SCARF2: variants seen among roughly 807,000 people sequenced by gnomAD.
SCARF2 encodes the protein scavenger receptor expressed by endothelial cells 2 protein.
SCARF2 carries 39 observed loss-of-function variants against 73.4 expected under a neutral mutation model. That is an observed-to-expected ratio of 0.53 (90% confidence interval 0.41 to 0.69). The LOEUF is 0.69. SCARF2 is among the 30% of genes least tolerant of loss of function. The pLI is 0.00. For synonymous variants in SCARF2, 605 were observed against 590.0 expected, an observed-to-expected ratio of 1.03 and a Z score of -0.37; for missense variants, 1,148 against 1,303.5, an observed-to-expected ratio of 0.88 and a Z score of 1.84.
At position 20,425,569 on chromosome 22, in the gene SCARF2, C is replaced by T; in HGVS notation, c.2407G>A (p.Ala803Thr). 3 of 1,342,926 alleles carry T rather than the reference C, an allele frequency of 2.2e-6. No individual in the cohort carries two copies. Among genetic ancestry groups the T allele is most frequent in the African/African-American group, 1.5e-5 (1 of 65,306 alleles). The allele number at this position is 1,342,926 out of a possible 1,614,324, so 83.2% of individuals were successfully genotyped here. ...PREKPAPPQK[A>T]KRSVPPASPA... The stretch of plus-strand genomic sequence containing the variant: ...GAGGCTGGCGGCACGGAGCGCTTGG[C>T]TTTCTGTGGGGGCGCCGGCTTTTCC... Residue 803 changes from alanine to threonine, a missense_variant, in exon 11 of 11, where the codon GCC becomes ACC. This residue lies in a region of SCARF2 where 169 missense variants were observed against 136.9 expected (regional missense o/e 1.23). Transcript: ENST00000622235. This position sits in a 1 kb window ranked among gnomAD's most constrained non-coding sequence, Gnocchi z 4.6.
In SCARF2 at chr22:20,437,608, G is replaced by A. The variant is rs754188065; in HGVS notation, c.147C>T (p.Arg49=). 11 of 1,572,500 alleles carry A rather than the reference G, an allele frequency of 7.0e-6. No individual in the cohort carries two copies. The East Asian group carries it at 2.3e-4, about 33-fold the overall frequency. ...CGGGAGCACGGCACACGTTGCGGCCGCGAGGGTTCAGTTCCTGAGGCGCCA... is the reference window on the plus strand; with the variant it reads ...CGGGAGCACGGCACACGTTGCGGCCACGAGGGTTCAGTTCCTGAGGCGCCA... ...DTVAPQELNP[R]GRNVCRAPGS... Residue 49 remains arginine, a synonymous_variant, in exon 1 of 11, where the codon CGC becomes CGT. Transcript: ENST00000622235.
chr22:20,425,971 G>C lies in SCARF2; in HGVS notation c.2005C>G (p.His669Asp). The change falls in exon 11 of 11, where the codon CAC becomes GAC. Residue 669 changes from histidine to aspartate, a missense_variant. This residue lies in a region of SCARF2 where 437 missense variants were observed against 433.6 expected (regional missense o/e 1.01). Transcript: ENST00000622235. The surrounding 1 kb of genome is among the most constrained non-coding windows in gnomAD (Gnocchi z 4.6). ...GCTGCAGCGGCGCTGTGCTTGCCGT[G>C]GATCCAGGACACCTTAGGCTTGGTG... ...PATKPKVSWIHGKHSAAAAGR... is the reference protein window; with the variant it reads ...PATKPKVSWIDGKHSAAAAGR... The C allele has an allele frequency of 6.3e-7, 1 of 1,594,288 alleles. No homozygotes were observed.
At position 20,429,811 on chromosome 22, in the gene SCARF2, C is replaced by T. The variant is rs1228018827; in HGVS notation, c.1225G>A (p.Gly409Arg). 3 of 1,613,020 alleles carry T rather than the reference C, an allele frequency of 1.9e-6. No homozygotes were observed. The South Asian group carries it at 3.3e-5, about 18-fold the overall frequency. ...GPHCNVTCPP[G>R]LHGADCAQAC... is the part of the protein sequence containing the mutation. ...TGAGCACAGTCCGCGCCGTGGAGTC[C>T]GGGCGGGCACGTCACGTTACAGCTG... The change falls in exon 7 of 11, where the codon GGA (glycine) becomes AGA (arginine). Residue 409 changes from glycine to arginine, a missense_variant. Gly to Arg is a moderately radical substitution (Grantham distance 125, BLOSUM62 -2). This residue lies in a region of SCARF2 where 372 missense variants were observed against 532.0 expected (regional missense o/e 0.70). Coordinates refer to ENST00000622235, the MANE Select transcript of SCARF2 (RefSeq NM_182895.5). This position sits in a 1 kb window ranked among gnomAD's most constrained non-coding sequence, Gnocchi z 5.2.
chr22:20,437,223 C>T (rs1369221698), intron 1 of SCARF2, among the ~76,000 whole-genome samples: 1 of 152,252 alleles, frequency 6.6e-6, no homozygotes, highest in Non-Finnish European at 1.5e-5. Context: ...GGCTTTAGCA[C>T]ATGCAGTTCC....
Position 20,426,217 on chromosome 22 carries a change from G to A in SCARF2, c.1759C>T (p.Pro587Ser). ...GAGGCTGGCGTGGTCAAGGGCACAG[G>A]GGACGGCGCCGGCGCCTCGGCAGGG... Reference protein sequence around the residue: ...TVPAEAPAPSPVPLTTPASAE... With the variant: ...TVPAEAPAPSSVPLTTPASAE... The change falls in exon 11 of 11, where the codon CCT (proline) becomes TCT (serine). Residue 587 changes from proline to serine, a missense_variant. Physicochemically the swap from Pro to Ser is moderately conservative, Grantham distance 74. This residue lies in a region of SCARF2 where 437 missense variants were observed against 433.6 expected (regional missense o/e 1.01). Transcript: ENST00000622235. 1 of 1,532,834 alleles carries A rather than the reference G, an allele frequency of 6.5e-7. No homozygotes were observed. The highest frequency in any genetic ancestry group is 1.4e-5 in the African/African-American group (1 of 73,302). 95.0% of individuals were successfully genotyped at this position (1,532,834 alleles called of 1,614,324 possible). A position where few individuals can be genotyped will look rare whatever the true frequency, so the allele number is the denominator to read the frequency against.
chr22:20,431,300 G>T lies in SCARF2; in HGVS notation c.572C>A (p.Ser191Ter). The T allele has an allele frequency of 6.6e-7, 1 of 1,522,516 alleles. No homozygotes were observed. The highest frequency in any genetic ancestry group is 8.8e-7 in the Non-Finnish European group (1 of 1,142,304). The allele number at this position is 1,522,516 out of a possible 1,614,324, so 94.3% of individuals were successfully genotyped here. ...GGCGCCGGTCTGTGGGTCGCAGCGCGACGTGGCGCTGCAGTAGCACGCGCT... is the reference window on the plus strand; with the variant it reads ...GGCGCCGGTCTGTGGGTCGCAGCGCTACGTGGCGCTGCAGTAGCACGCGCT... ...CASACYCSAT[S>*]RCDPQTGACL... Residue 191 changes from serine to a stop codon, truncating the protein, a stop_gained, in exon 4 of 11, where the codon TCG becomes TAG. Transcript: ENST00000622235. LOFTEE classifies it high-confidence loss of function.
chr22:20,433,674 T>C (rs1445883286), intron 1 of SCARF2, among the ~76,000 whole-genome samples: 1 of 152,244 alleles, frequency 6.6e-6, no homozygotes, highest in South Asian at 2.1e-4. Context: ...TTTGGGGAAT[T>C]GGTCCAGTGT....
chr22:20,430,704 G>T lies in SCARF2; in HGVS notation c.1059C>A (p.Gly353=). The T allele has an allele frequency of 6.2e-7, 1 of 1,602,034 alleles. No individual in the cohort carries two copies. The highest frequency in any genetic ancestry group is 8.5e-7 in the Non-Finnish European group (1 of 1,174,986). ...VTGKCTRCNA[G]WIGDRCETKC... Reference sequence around the variant, plus strand: ...GGGCTGCTCACCGGTCGCCGATCCAGCCCGCGTTGCAGCGCGTACACTTGC... The same window carrying T: ...GGGCTGCTCACCGGTCGCCGATCCATCCCGCGTTGCAGCGCGTACACTTGC... Residue 353 remains glycine (G), a synonymous_variant, in exon 5 of 11, where the codon GGC becomes GGA. Coordinates refer to ENST00000622235, the MANE Select transcript of SCARF2 (RefSeq NM_182895.5).
chr22:20,429,990 C>T lies in SCARF2; in HGVS notation c.1203-157G>A, dbSNP rs1033154989. ...CTAGGGATTGAAGCCCCGCCCCGCC[C>T]GTGGCACATATTGGGTAGTGGATGT... On this transcript the variant is annotated intron_variant, in intron 6 of 10. Coordinates refer to ENST00000622235, the MANE Select transcript of SCARF2 (RefSeq NM_182895.5). The surrounding 1 kb of genome is among the most constrained non-coding windows in gnomAD (Gnocchi z 5.2). 5.6e-6 allele frequency: 4 copies of T among 720,078 alleles called. No homozygotes were observed. The highest frequency in any genetic ancestry group is 9.3e-6 in the Non-Finnish European group (4 of 432,208). The allele number at this position is 720,078 out of a possible 1,614,324, so 44.6% of individuals were successfully genotyped here.
chr22:20,437,574 G>C lies in SCARF2; in HGVS notation c.173+8C>G, dbSNP rs768423386. 113 of 1,571,668 alleles carry C rather than the reference G, an allele frequency of 7.2e-5. No individual in the cohort carries two copies. The highest frequency in any genetic ancestry group is 7.8e-5 in the Non-Finnish European group (91 of 1,166,662). ...CTCGCCCCCTCCCCCAGCCAGGCCG[G>C]CTCCTACCCGGGAGCACGGCACACG... On this transcript the variant is annotated splice_region_variant and intron_variant, in intron 1 of 10. Transcript: ENST00000622235.
Position 20,425,318 on chromosome 22 carries a change from G to C in SCARF2, c.*57C>G. On this transcript the variant is annotated 3_prime_UTR_variant, in exon 11 of 11. Transcript: ENST00000622235. The surrounding 1 kb of genome is among the most constrained non-coding windows in gnomAD (Gnocchi z 4.6). ...CGTGCCCGGTAGCGTGGGAGGTGTGGGGTGGCGGGCGGCGCTGCGAAGCTG... is the reference window on the plus strand; with the variant it reads ...CGTGCCCGGTAGCGTGGGAGGTGTGCGGTGGCGGGCGGCGCTGCGAAGCTG... 1 of 1,295,830 alleles carries C rather than the reference G, an allele frequency of 7.7e-7. No individual in the cohort carries two copies. Among genetic ancestry groups the C allele is most frequent in the East Asian group, 3.1e-5 (1 of 32,028 alleles). The allele number at this position is 1,295,830 out of a possible 1,614,324, so 80.3% of individuals were successfully genotyped here.
At chr22:20,431,685 C>A in intron 3 of SCARF2, 60 bp downstream of exon 3, 1 of 1,525,502 alleles carries the variant, frequency 6.6e-7, no homozygotes, top group South Asian at 1.2e-5. Context: ...ACCTTGGACC[C>A]CGCCCCATCT....
chr22:20,431,618 C>A, intron 3 of SCARF2, 81 bp from the exon 4 acceptor site: 1 of 1,542,642 alleles, frequency 6.5e-7, no homozygotes, highest in Non-Finnish European at 8.7e-7. Flanking sequence ...GCCCGCGTCC[C>A]GCACTCCAGC....
In SCARF2 at chr22:20,429,365, G is replaced by A. The variant is rs774906812; in HGVS notation, c.1425-25C>T. 1.3e-6 allele frequency: 2 copies of A among 1,584,816 alleles called. No individual in the cohort carries two copies. Among genetic ancestry groups the A allele is most frequent in the Non-Finnish European group, 1.7e-6 (2 of 1,163,930 alleles). ...CCTGCGGGGGCGGGGTCTGAGCGGA[G>A]GGGCGGGGCCGGGGCGGGGCCCAGG... On this transcript the variant is annotated intron_variant, in intron 8 of 10. Transcript: ENST00000622235. This position sits in a 1 kb window ranked among gnomAD's most constrained non-coding sequence, Gnocchi z 5.2.
At chr22:20,433,470 T>A (rs146060247) in intron 1 of SCARF2, among the ~76,000 whole-genome samples, 65 of 152,252 alleles carry the variant, frequency 4.3e-4, no homozygotes, top group Non-Finnish European at 5.6e-4. Context: ...CCCTACACCA[T>A]GCATTTCAGG....
rs1046673023 is a variant in SCARF2, at chr22:20,425,025, C to T, written c.*350G>A. 8.0e-6 allele frequency: 2 copies of T among 249,170 alleles called. No individual in the cohort carries two copies. The highest frequency in any genetic ancestry group is 4.5e-5 in the African/African-American group (2 of 44,912). The allele number at this position is 249,170 out of a possible 1,614,324, so 15.4% of individuals were successfully genotyped here. A position where few individuals can be genotyped will look rare whatever the true frequency, so the allele number is the denominator to read the frequency against. The stretch of plus-strand genomic sequence containing the variant: ...TGGCTGCAACCAATGAGAAGGTAGC[C>T]CTAACCAAGTCCACTCCTGGCCAGT... On this transcript the variant is annotated 3_prime_UTR_variant, in exon 11 of 11. Coordinates refer to ENST00000622235, the MANE Select transcript of SCARF2 (RefSeq NM_182895.5). The surrounding 1 kb of genome is among the most constrained non-coding windows in gnomAD (Gnocchi z 4.6).
Position 20,429,629 on chromosome 22 carries a change from A to G in SCARF2, c.1331T>C (p.Met444Thr), listed in dbSNP as rs1407630978. The change falls in exon 8 of 11, where the codon ATG (methionine) becomes ACG (threonine). Residue 444 changes from methionine to threonine, a missense_variant. Physicochemically the swap from Met to Thr is moderately conservative, Grantham distance 81. Coordinates refer to ENST00000622235, the MANE Select transcript of SCARF2 (RefSeq NM_182895.5). This position sits in a 1 kb window ranked among gnomAD's most constrained non-coding sequence, Gnocchi z 5.2. ...CAGGACGAGCAGCGCGCCCGCGCCCATCACGCCCTTGCGCTGGTTGGTTTC... is the reference window on the plus strand; with the variant it reads ...CAGGACGAGCAGCGCGCCCGCGCCCGTCACGCCCTTGCGCTGGTTGGTTTC... ...HLETNQRKGV[M>T]GAGALLVLLV... 4 of 1,613,758 alleles carry G rather than the reference A, an allele frequency of 2.5e-6. No individual in the cohort carries two copies. Among genetic ancestry groups the G allele is most frequent in the Non-Finnish European group, 3.4e-6 (4 of 1,179,950 alleles).
intron 1 of SCARF2, 121 bp downstream of exon 1, chr22:20,437,461 G>T: frequency 9.3e-7 from 1 of 1,076,608 alleles, no homozygotes; most frequent in Non-Finnish European, 1.3e-6. Context: ...TGGCTAGGGA[G>T]CCGAAGGGGC....
rs746523771 is a variant in SCARF2 at position 20,437,653 on chromosome 22, G to GAGCAGC, written c.96_101dup (p.Leu33_Leu34dup). 10 of 1,536,792 alleles carry GAGCAGC rather than the reference G, an allele frequency of 6.5e-6. No homozygotes were observed. The highest frequency in any genetic ancestry group is 2.5e-5 in the East Asian group (1 of 39,356). ...GCGCCACGGTGTCCGGCAGCATCCA[G>GAGCAGC]AGCAGCAGCAGCAGCAGCAGCGACG... is the stretch of plus-strand genomic sequence containing the variant. On this transcript the variant is annotated inframe_insertion, in exon 1 of 11. Coordinates refer to ENST00000622235, the MANE Select transcript of SCARF2 (RefSeq NM_182895.5).
Sources: gnomAD v4.1 joint callset for allele counts (sites outside exome capture counted in the v4.1 genomes callset) on GRCh38, gnomAD v4.1.1 for gene constraint, gnomAD v4.1.1 regional missense constraint, Gnocchi (gnomAD v3.1) non-coding constraint, MANE v1.5 for transcripts, NCBI Gene and HGNC (gene_info 2026-07-23, HGNC 2026-07-21) for gene names.